GIN1: variants seen among roughly 807,000 people sequenced by gnomAD.
GIN1 encodes gypsy retrotransposon integrase-like protein 1.
Under a neutral mutation model 51.4 loss-of-function variants are expected in GIN1, and 41 were observed. The ratio of observed to expected loss-of-function variants is 0.80; its 90% CI spans 0.62 to 1.04. The LOEUF is 1.04. Ranked by LOEUF, GIN1 falls within the 50% of genes least tolerant of loss-of-function variation. The probability of loss-of-function intolerance (pLI) is 0.00; values close to 1 mark genes in which losing one functional copy is unlikely to be tolerated. For missense variants in GIN1, 610 were observed against 612.4 expected (o/e 1.00, Z 0.04); for synonymous variants, 222 against 206.5 (o/e 1.07, Z -0.64).
At position 103,100,588 on chromosome 5, in the gene GIN1, G is replaced by A. The variant is rs74967161; in HGVS notation, c.640-2807C>T. On this transcript the variant is annotated intron_variant, in intron 4 of 7. Transcript: ENST00000399004. ...AAATTTTTTTTTTTTTTGTAGAGAC[G>A]GAGTCTTGTTGTATTGCATGGGCTG... 9.3e-3 allele frequency among the ~76,000 whole-genome samples: 1,393 copies of A among 150,546 alleles called. 23 individuals carry two copies. Among genetic ancestry groups the A allele is most frequent in the African/African-American group, 0.032 (1,297 of 40,996 alleles).
chr5:103,090,197 G>C (rs1229275744), intron 7 of GIN1, among the ~76,000 whole-genome samples: 7 of 152,202 alleles, frequency 4.6e-5, no homozygotes, highest in Non-Finnish European at 8.8e-5. Context: ...GCTTAGGTGA[G>C]AGAATTGCTT....
At position 103,114,543 on chromosome 5, in the gene GIN1, T is replaced by C. The variant is rs568797759; in HGVS notation, c.-8+5521A>G. Among the ~76,000 whole-genome samples the C allele has an allele frequency of 3.3e-5, 5 of 152,294 alleles. No individual in the cohort carries two copies. In the South Asian group the frequency reaches 1.0e-3, roughly 32 times the overall value. ...TAAAAAGTAGGTGAAGTTAAGGCAATGGAAGAAGGATCAGATGGAAAGTGT... is the reference window on the plus strand; with the variant it reads ...TAAAAAGTAGGTGAAGTTAAGGCAACGGAAGAAGGATCAGATGGAAAGTGT... On this transcript the variant is annotated intron_variant, in intron 1 of 7. Transcript: ENST00000399004.
In GIN1 at chr5:103,097,331, T is replaced by C. The variant is rs1461806540; in HGVS notation, c.991A>G (p.Thr331Ala). ...KEADKIMENK[T>A]TSLGQMENNN... ...AGAATCACCTGGCCCAGTGAAGTTG[T>C]CTTATTCTCCATTATTTTATCAGCT... Residue 331 changes from threonine (T) to alanine (A), a missense_variant, in exon 6 of 8, where the codon ACA becomes GCA. Coordinates refer to ENST00000399004, the MANE Select transcript of GIN1 (RefSeq NM_017676.2). The C allele has an allele frequency of 4.4e-6, 7 of 1,594,394 alleles. No individual in the cohort carries two copies. The highest frequency in any genetic ancestry group is 6.0e-6 in the Non-Finnish European group (7 of 1,163,890).
At chr5:103,092,281 AG>A (rs1281455575) in intron 7 of GIN1, among the ~76,000 whole-genome samples, 1 of 152,156 alleles carries the variant, frequency 6.6e-6, no homozygotes, top group Non-Finnish European at 1.5e-5. Context: ...CTGGGATTAC[AG>A]GCATAAGCCA....
intron 7 of GIN1, among the ~76,000 whole-genome samples, chr5:103,090,135 A>G (rs1170544254): frequency 1.3e-5 from 2 of 152,240 alleles, no homozygotes; most frequent in Admixed American, 1.3e-4. Context: ...CTAAAAATAC[A>G]TAAATTAGTC....
intron 4 of GIN1, chr5:103,102,514 A>G (rs896885661): frequency 6.6e-6 from 1 of 152,246 alleles, no homozygotes; most frequent in African/African-American, 2.4e-5. Flanking sequence ...TCAGTGTGAA[A>G]CAGGAAATGA....
At chr5:103,095,423 C>T (rs1346139587) in intron 7 of GIN1, among the ~76,000 whole-genome samples, 2 of 152,122 alleles carry the variant, frequency 1.3e-5, no homozygotes, top group East Asian at 1.9e-4. Flanking sequence ...CTTACAGCAC[C>T]TTATAGCATT....
At chr5:103,091,359 A>T (rs1396457285) in intron 7 of GIN1, among the ~76,000 whole-genome samples, 13 of 152,186 alleles carry the variant, frequency 8.5e-5, no homozygotes, top group African/African-American at 3.1e-4. Context: ...GACAACACTA[A>T]TCTAAAACAA....
At chr5:103,119,602 C>A (rs1461672329) in intron 1 of GIN1, among the ~76,000 whole-genome samples, 2 of 152,144 alleles carry the variant, frequency 1.3e-5, no homozygotes, top group African/African-American at 4.8e-5. Context: ...CTTGACCTCA[C>A]GTTTCTCCCC....
chr5:103,115,764 A>C (rs902422349), intron 1 of GIN1, among the ~76,000 whole-genome samples: 15 of 152,108 alleles, frequency 9.9e-5, no homozygotes, highest in Admixed American at 9.8e-4. Flanking sequence ...GGAGTAACCC[A>C]AAAAGTTTAA....
Position 103,106,702 on chromosome 5 carries a change from T to C in GIN1, c.333+14A>G. ...AAGACATTATTCATAATACTCTAAATACATAAGCCATACCCACTGTTTGAC... is the reference window on the plus strand; with the variant it reads ...AAGACATTATTCATAATACTCTAAACACATAAGCCATACCCACTGTTTGAC... On this transcript the variant is annotated intron_variant, in intron 3 of 7. Coordinates refer to ENST00000399004, the MANE Select transcript of GIN1 (RefSeq NM_017676.2). 2.8e-6 allele frequency: 4 copies of C among 1,449,470 alleles called. No individual in the cohort carries two copies. Among genetic ancestry groups the C allele is most frequent in the Non-Finnish European group, 3.8e-6 (4 of 1,055,026 alleles). 89.8% of individuals were successfully genotyped at this position (1,449,470 alleles called of 1,614,324 possible).
At chr5:103,112,392 T>A (rs79861640) in intron 1 of GIN1, among the ~76,000 whole-genome samples, 2,217 of 152,294 alleles carry the variant, frequency 0.015, 26 homozygotes, top group Non-Finnish European at 0.022. Flanking sequence ...CCTAGCATAT[T>A]TTTATCTTAC....
rs782779651 is a variant in GIN1, at chr5:103,104,614, A to T, written c.566T>A (p.Ile189Asn). 6.3e-7 allele frequency: 1 copy of T among 1,575,116 alleles called. No homozygotes were observed. The highest frequency in any genetic ancestry group is 2.2e-5 in the East Asian group (1 of 44,652). The change falls in exon 4 of 8, where the codon ATT becomes AAT. Residue 189 changes from isoleucine (I) to asparagine (N), a missense_variant. By Grantham distance (149) the Ile-to-Asn change is moderately radical. Coordinates refer to ENST00000399004, the MANE Select transcript of GIN1 (RefSeq NM_017676.2). Reference sequence around the variant, plus strand: ...TCCATATAAGAAAAATATATTGATAATAGCTTTAGAAACTTCTGATGCTGA... The same window carrying T: ...TCCATATAAGAAAAATATATTGATATTAGCTTTAGAAACTTCTGATGCTGA... ...DVSASEVSKA[I>N]INIFFLYGPP...
intron 4 of GIN1, among the ~76,000 whole-genome samples, chr5:103,100,776 T>C: frequency 6.6e-6 from 1 of 152,162 alleles, no homozygotes; most frequent in East Asian, 1.9e-4. Context: ...TGCTAGCTAA[T>C]CATAATGGCT....
chr5:103,101,151 G>A (rs1301045512), intron 4 of GIN1, among the ~76,000 whole-genome samples: 2 of 152,116 alleles, frequency 1.3e-5, no homozygotes, highest in African/African-American at 4.8e-5. Context: ...TTGCACTTTG[G>A]GGGCATTCTT....
chr5:103,092,151 A>T (rs1787258289), intron 7 of GIN1, among the ~76,000 whole-genome samples: 1 of 152,024 alleles, frequency 6.6e-6, no homozygotes, highest in Non-Finnish European at 1.5e-5. Context: ...TAAGTAGCTA[A>T]AACTAAAGGT....
At chr5:103,099,446 T>G (rs1787506747) in intron 4 of GIN1, among the ~76,000 whole-genome samples, 1 of 152,118 alleles carries the variant, frequency 6.6e-6, no homozygotes, top group Non-Finnish European at 1.5e-5. Flanking sequence ...ACTTCCTAGC[T>G]GATATACATA....
intron 1 of GIN1, among the ~76,000 whole-genome samples, chr5:103,114,116 T>C (rs1787961749): frequency 6.6e-6 from 1 of 152,222 alleles, no homozygotes. Flanking sequence ...CCTCATCATA[T>C]TTCAAAACTC....
At chr5:103,098,521 C>T (rs1483977542) in intron 4 of GIN1, among the ~76,000 whole-genome samples, 6 of 152,120 alleles carry the variant, frequency 3.9e-5, no homozygotes, top group African/African-American at 7.2e-5. Context: ...CTTGCTCTGT[C>T]GCACAGGCTG....
Sources: allele counts gnomAD v4.1 joint callset (sites outside exome capture counted in the v4.1 genomes callset), GRCh38; gene constraint gnomAD v4.1.1; transcripts MANE v1.5; gene names NCBI Gene and HGNC (gene_info 2026-07-23, HGNC 2026-07-21).